Variants in SPINK5 observed in about 807,000 individuals in gnomAD.
The protein encoded by SPINK5 is serine protease inhibitor Kazal-type 5.
Under a neutral mutation model 151.8 loss-of-function variants are expected in SPINK5, and 125 were observed. That is an observed-to-expected ratio of 0.82 (90% CI 0.71 to 0.96). SPINK5 has a LOEUF of 0.96. Among genes scored for constraint, SPINK5 ranks in the 40% least tolerant of loss-of-function variants. The pLI is 0.00. For missense variants in SPINK5, 1,194 were observed against 1,291.9 expected, an observed-to-expected ratio of 0.92 and a Z score of 1.16; for synonymous variants, 374 against 395.3, an observed-to-expected ratio of 0.95 and a Z score of 0.64.
Position 148,089,496 on chromosome 5 carries a change from T to C in SPINK5, c.477T>C (p.Asp159=). ...AAGTTCTTTTCCCTGTTCTTCAGGA[T>C]GTATGCAGTGCTTTTCGGCCCTTTG... ...GECKSSNPEQ[D]VCSAFRPFVR... is the part of the protein sequence containing the mutation. The change falls in exon 7 of 33, where the codon GAT becomes GAC. Residue 159 remains aspartate, a splice_region_variant and synonymous_variant. Coordinates refer to ENST00000256084, the MANE Select transcript of SPINK5 (RefSeq NM_006846.4). 6.2e-7 allele frequency: 1 copy of C among 1,611,718 alleles called. No individual in the cohort carries two copies. Among genetic ancestry groups the C allele is most frequent in the Non-Finnish European group, 8.5e-7 (1 of 1,178,472 alleles).
intron 3 of SPINK5, 71 bp from the exon 4 acceptor site, chr5:148,072,077 C>T: frequency 6.9e-7 from 1 of 1,453,974 alleles, no homozygotes; most frequent in Non-Finnish European, 9.6e-7. Context: ...ATTAAGTTTA[C>T]CATGTTAGCT....
intron 2 of SPINK5, among the ~76,000 whole-genome samples, chr5:148,068,796 A>G (rs1322001675): frequency 6.6e-6 from 1 of 152,044 alleles, no homozygotes; most frequent in Non-Finnish European, 1.5e-5. Context: ...CCAAAGGCCT[A>G]TTCTAAAGAC....
chr5:148,067,181 T>A (rs1426958168), intron 2 of SPINK5, among the ~76,000 whole-genome samples: 1 of 152,194 alleles, frequency 6.6e-6, no homozygotes, highest in Non-Finnish European at 1.5e-5. Context: ...TGGTCAGTGC[T>A]CTAACACTGA....
At chr5:148,071,953 A>G (rs1214325131) in intron 3 of SPINK5, among the ~76,000 whole-genome samples, 195 bp from the exon 4 acceptor site, 1 of 152,056 alleles carries the variant, frequency 6.6e-6, no homozygotes, top group Non-Finnish European at 1.5e-5. Flanking sequence ...TTCTTCCTAT[A>G]ATACCATGTT....
At chr5:148,066,500 T>G (rs1486908736) in intron 2 of SPINK5, among the ~76,000 whole-genome samples, 1 of 151,958 alleles carries the variant, frequency 6.6e-6, no homozygotes, top group Non-Finnish European at 1.5e-5. Context: ...AAATACTCTC[T>G]TGCCGTATTT....
intron 11 of SPINK5, 86 bp downstream of exon 11, chr5:148,098,080 CTG>C (rs1348662629): frequency 2.5e-5 from 33 of 1,322,864 alleles, no homozygotes; most frequent in Non-Finnish European, 3.4e-5. Flanking sequence ...GATGGGGAGA[CTG>C]TGGCTCAAGA....
intron 5 of SPINK5, among the ~76,000 whole-genome samples, chr5:148,087,810 C>A (rs565353731): frequency 6.6e-6 from 1 of 151,748 alleles, no homozygotes; most frequent in East Asian, 1.9e-4. Context: ...TGTTGTTTCC[C>A]TTGCAGCTCT....
At chr5:148,127,697 CA>C (rs543989593) in intron 30 of SPINK5, among the ~76,000 whole-genome samples, 39 of 145,988 alleles carry the variant, frequency 2.7e-4, no homozygotes, top group African/African-American at 3.0e-4. Context: ...AGAAAACTTA[CA>C]AAAAAAAAAA....
At chr5:148,074,065 G>GT (rs1402180285) in intron 4 of SPINK5, among the ~76,000 whole-genome samples, 1 of 151,672 alleles carries the variant, frequency 6.6e-6, no homozygotes, top group African/African-American at 2.4e-5. Context: ...TATACCATGT[G>GT]TTTTTTGTTG....
intron 18 of SPINK5, among the ~76,000 whole-genome samples, chr5:148,110,405 A>C (rs2113152914): frequency 6.6e-6 from 1 of 152,248 alleles, no homozygotes; most frequent in South Asian, 2.1e-4. Flanking sequence ...GTCTACCAAA[A>C]TTCTGGCCAC....
chr5:148,089,270 A>G (rs1332030956), intron 6 of SPINK5: 13 of 608,722 alleles, frequency 2.1e-5, no homozygotes, highest in Admixed American at 2.1e-5. Flanking sequence ...GTTCTGGCAC[A>G]TAGTAGGTTA....
At chr5:148,121,810 A>T (rs79600784) in intron 26 of SPINK5, among the ~76,000 whole-genome samples, 7,466 of 98,284 alleles carry the variant, frequency 0.076, 595 homozygotes, top group African/African-American at 0.32. Flanking sequence ...AATAATAATT[A>T]AAAAAAAAAT....
chr5:148,114,536 A>G lies in SPINK5; in HGVS notation c.2015+47A>G, dbSNP rs146744746. The G allele has an allele frequency of 2.8e-5, 45 of 1,610,438 alleles. No homozygotes were observed. In the African/African-American group the frequency reaches 4.8e-4, roughly 17 times the overall value. On this transcript the variant is annotated intron_variant, in intron 21 of 32. Coordinates refer to ENST00000256084, the MANE Select transcript of SPINK5 (RefSeq NM_006846.4). ...CTACTGTGGGATGGTGGAATTGGGG[A>G]AGCAATGAGCCAGGCAAATAATATG...
At chr5:148,128,842 T>C (rs1051576207) in intron 30 of SPINK5, among the ~76,000 whole-genome samples, 2 of 152,184 alleles carry the variant, frequency 1.3e-5, no homozygotes, top group Non-Finnish European at 2.9e-5. Context: ...TATTTACGTA[T>C]GCTAGGTTAA....
intron 18 of SPINK5, among the ~76,000 whole-genome samples, chr5:148,111,369 C>T (rs1252828371): frequency 1.3e-5 from 2 of 152,148 alleles, no homozygotes; most frequent in Admixed American, 6.6e-5. Flanking sequence ...AGGTTATTAA[C>T]TTAATTATAT....
At chr5:148,111,961 G>A (rs562158742) in intron 19 of SPINK5, 66 bp downstream of exon 19, 1 of 1,612,096 alleles carries the variant, frequency 6.2e-7, no homozygotes, top group Admixed American at 1.7e-5. Flanking sequence ...TGGGCAAGAG[G>A]GGTGACATTG....
intron 22 of SPINK5, among the ~76,000 whole-genome samples, chr5:148,117,609 TG>T (rs1186451841): frequency 2.6e-5 from 4 of 152,208 alleles, no homozygotes; most frequent in African/African-American, 9.6e-5. Flanking sequence ...ATCTTCCCTG[TG>T]GGCTATACAA....
At chr5:148,102,066 A>T (rs1753662113) in intron 15 of SPINK5, among the ~76,000 whole-genome samples, 158 bp downstream of exon 15, 2 of 152,188 alleles carry the variant, frequency 1.3e-5, no homozygotes, top group Non-Finnish European at 2.9e-5. Flanking sequence ...AACAGCAACA[A>T]TAAAACAAGT....
At chr5:148,074,481 GAAT>G (rs1273472179) in intron 4 of SPINK5, among the ~76,000 whole-genome samples, 3 of 151,532 alleles carry the variant, frequency 2.0e-5, no homozygotes, top group Non-Finnish European at 4.4e-5. Context: ...CAACTTTATA[GAAT>G]ATTAAGTTCA....
Sources: gnomAD v4.1 joint callset for allele counts (sites outside exome capture counted in the v4.1 genomes callset) on GRCh38, gnomAD v4.1.1 for gene constraint, MANE v1.5 for transcripts, NCBI Gene and HGNC (gene_info 2026-07-23, HGNC 2026-07-21) for gene names.